The following TESC variants were observed in gnomAD, a reference collection of about 807,000 sequenced individuals.
TESC encodes tescalcin.
A neutral mutation model predicts 31.0 loss-of-function variants in TESC; 19 were observed. That is an observed-to-expected ratio of 0.61 (90% confidence interval 0.43 to 0.90). The LOEUF (loss-of-function observed/expected upper bound fraction) is 0.90, where lower values mean the gene tolerates loss of function less well. Ranked by LOEUF, TESC falls within the 40% of genes least tolerant of loss-of-function variation. TESC has a pLI of 0.00. For synonymous variants in TESC, 109 were observed against 114.8 expected, an observed-to-expected ratio of 0.95 and a Z score of 0.32; for missense variants, 248 against 303.8, an observed-to-expected ratio of 0.82 and a Z score of 1.36.
At position 117,039,003 on chromosome 12, in the gene TESC, G is replaced by A. The variant is rs545554971; in HGVS notation, c.*130C>T. 5.5e-5 allele frequency: 49 copies of A among 893,012 alleles called. No homozygotes were observed. The South Asian group carries it at 6.6e-4, about 12-fold the overall frequency. The allele number at this position is 893,012 out of a possible 1,614,324, so 55.3% of individuals were successfully genotyped here. On this transcript the variant is annotated 3_prime_UTR_variant, in exon 8 of 8. Transcript: ENST00000335209. Reference sequence around the variant, plus strand: ...CATACCATACCCTACAAGACACAAGGTGCGCAGACGAGCCTTGGCTATGTA... The same window carrying A: ...CATACCATACCCTACAAGACACAAGATGCGCAGACGAGCCTTGGCTATGTA...
chr12:117,054,435 C>G (rs1054776364), intron 3 of TESC, among the ~76,000 whole-genome samples: 2 of 152,158 alleles, frequency 1.3e-5, no homozygotes, highest in African/African-American at 4.8e-5. Context: ...ACACTGGCCT[C>G]TCTCTGGTCC....
At chr12:117,076,555 C>T (rs553528990) in intron 1 of TESC, among the ~76,000 whole-genome samples, 13 of 152,268 alleles carry the variant, frequency 8.5e-5, no homozygotes, top group Admixed American at 2.0e-4. Flanking sequence ...GCGATTCTCG[C>T]GCCCCAGCCT....
Position 117,038,958 on chromosome 12 carries a change from A to G in TESC, c.*175T>C. 3 of 535,278 alleles carry G rather than the reference A, an allele frequency of 5.6e-6. No individual in the cohort carries two copies. Among genetic ancestry groups the G allele is most frequent in the Admixed American group, 3.3e-5 (1 of 30,142 alleles). 33.2% of individuals were successfully genotyped at this position (535,278 alleles called of 1,614,324 possible). On this transcript the variant is annotated 3_prime_UTR_variant, in exon 8 of 8. Coordinates refer to ENST00000335209, the MANE Select transcript of TESC (RefSeq NM_017899.4). ...AACCTTTTTTTTTTTTTTATTGGAGATAAAAACAGCGAAGTCCCACATACC... is the reference window on the plus strand; with the variant it reads ...AACCTTTTTTTTTTTTTTATTGGAGGTAAAAACAGCGAAGTCCCACATACC...
At chr12:117,039,280 C>G in intron 7 of TESC, 70 bp from the exon 8 acceptor site, 4 of 1,467,196 alleles carry the variant, frequency 2.7e-6, no homozygotes, top group Non-Finnish European at 3.7e-6. Context: ...GCCCCCCGGT[C>G]CTCGGCCCTT....
chr12:117,087,480 A>T (rs1955232963), intron 1 of TESC, among the ~76,000 whole-genome samples: 1 of 152,124 alleles, frequency 6.6e-6, no homozygotes, highest in Admixed American at 6.5e-5. Context: ...GAATCCTCCA[A>T]TTCTCAGGAC....
chr12:117,048,719 G>C (rs1365050528), intron 4 of TESC: 1 of 549,414 alleles, frequency 1.8e-6, no homozygotes, highest in Admixed American at 2.2e-5. Context: ...CATGGCTGGT[G>C]AGACGGGCCA....
At chr12:117,072,353 G>A (rs1307460436) in intron 2 of TESC, among the ~76,000 whole-genome samples, 1 of 152,146 alleles carries the variant, frequency 6.6e-6, no homozygotes, top group African/African-American at 2.4e-5. Flanking sequence ...AAAGTGCTGA[G>A]ATTATAGTCG....
intron 2 of TESC, among the ~76,000 whole-genome samples, chr12:117,074,390 T>C (rs1033991615): frequency 2.0e-5 from 3 of 151,872 alleles, no homozygotes; most frequent in African/African-American, 7.3e-5. Flanking sequence ...AATACCCAAA[T>C]AACAAATAAT....
intron 7 of TESC, among the ~76,000 whole-genome samples, chr12:117,041,706 C>G (rs1186296416): frequency 6.6e-6 from 1 of 152,204 alleles, no homozygotes; most frequent in Non-Finnish European, 1.5e-5. Flanking sequence ...ACTATATACC[C>G]TTTTGTACTG....
chr12:117,049,903 G>GAAAAAAAAAAAAAAAAAAAAAAAAA (rs66797686), intron 3 of TESC, among the ~76,000 whole-genome samples: 2 of 86,454 alleles, frequency 2.3e-5, no homozygotes, highest in Non-Finnish European at 4.9e-5. Context: ...CCTGTCTCAA[G>GAAAAAAAAAAAAAAAAAAAAAAAAA]AAAAAAAAAA....
In TESC at chr12:117,048,876, C is replaced by G. The variant is rs1312079241; in HGVS notation, c.349+143G>C. The G allele has an allele frequency of 3.1e-6, 4 of 1,282,692 alleles. No individual in the cohort carries two copies. In the East Asian group the frequency reaches 1.0e-4, roughly 32 times the overall value. The allele number at this position is 1,282,692 out of a possible 1,614,324, so 79.5% of individuals were successfully genotyped here. ...GACAGCAATGCCAGCCTCACAGGGA[C>G]GAGGGCTGGTGGCCCCAAGCCCTCC... On this transcript the variant is annotated intron_variant, in intron 4 of 7. Coordinates refer to ENST00000335209, the MANE Select transcript of TESC (RefSeq NM_017899.4).
chr12:117,041,519 G>C (rs1012770761), intron 7 of TESC, among the ~76,000 whole-genome samples: 37 of 152,130 alleles, frequency 2.4e-4, no homozygotes, highest in African/African-American at 8.2e-4. Flanking sequence ...TTTTAGTAGA[G>C]ATGGGGTTTC....
At chr12:117,085,399 C>T (rs1364298970) in intron 1 of TESC, among the ~76,000 whole-genome samples, 1 of 152,106 alleles carries the variant, frequency 6.6e-6, no homozygotes, top group Non-Finnish European at 1.5e-5. Context: ...CAGGTGCAGC[C>T]GCCCAGGGTG....
At chr12:117,070,573 A>G (rs1440238608) in intron 2 of TESC, among the ~76,000 whole-genome samples, 1 of 152,140 alleles carries the variant, frequency 6.6e-6, no homozygotes, top group Admixed American at 6.5e-5. Flanking sequence ...CTTAGAGATC[A>G]CTTGCAAATC....
chr12:117,064,057 T>C (rs1007566094), intron 2 of TESC, among the ~76,000 whole-genome samples: 5 of 152,174 alleles, frequency 3.3e-5, no homozygotes, highest in Non-Finnish European at 7.4e-5. Flanking sequence ...CCTGAGCAGC[T>C]GGGACTACAG....
intron 1 of TESC, among the ~76,000 whole-genome samples, chr12:117,085,143 G>C (rs1431983606): frequency 6.6e-6 from 1 of 152,240 alleles, no homozygotes; most frequent in Non-Finnish European, 1.5e-5. Flanking sequence ...GGGGTGGACA[G>C]GGCTGGCAGA....
intron 7 of TESC, among the ~76,000 whole-genome samples, chr12:117,041,619 C>T (rs1295458335): frequency 6.6e-6 from 1 of 152,204 alleles, no homozygotes; most frequent in East Asian, 1.9e-4. Context: ...AGGCATGAGC[C>T]ACCGCGCCCA....
chr12:117,061,012 G>C (rs1167308714), intron 2 of TESC, among the ~76,000 whole-genome samples: 2 of 152,178 alleles, frequency 1.3e-5, no homozygotes, highest in African/African-American at 4.8e-5. Context: ...ACAGCCTCTG[G>C]AATCACACTT....
At chr12:117,057,448 AC>A (rs1028222065) in intron 2 of TESC, among the ~76,000 whole-genome samples, 25 of 152,108 alleles carry the variant, frequency 1.6e-4, no homozygotes, top group Admixed American at 3.3e-4. Context: ...TCATCCCCAA[AC>A]AAATGCAGAG....
Sources: gnomAD v4.1 joint callset for allele counts (sites outside exome capture counted in the v4.1 genomes callset) on GRCh38, gnomAD v4.1.1 for gene constraint, MANE v1.5 for transcripts, NCBI Gene and HGNC (gene_info 2026-07-23, HGNC 2026-07-21) for gene names.